Variants in TIAM2 observed in about 807,000 individuals in gnomAD.
TIAM2 encodes the protein rho guanine nucleotide exchange factor TIAM2.
TIAM2 carries 80 observed loss-of-function variants against 152.9 expected under a neutral mutation model. The ratio of observed to expected loss-of-function variants is 0.52; its 90% CI spans 0.44 to 0.63. TIAM2 has a LOEUF of 0.63. Among genes scored for constraint, TIAM2 ranks in the 30% least tolerant of loss-of-function variants. TIAM2 has a pLI of 0.00. For synonymous variants in TIAM2, 804 were observed against 838.0 expected, an observed-to-expected ratio of 0.96 and a Z score of 0.70; for missense variants, 1,965 against 2,120.1, an observed-to-expected ratio of 0.93 and a Z score of 1.44.
At chr6:155,069,508 A>G (rs1777786361) in intron 1 of TIAM2, among the ~76,000 whole-genome samples, 1 of 152,230 alleles carries the variant, frequency 6.6e-6, no homozygotes, top group African/African-American at 2.4e-5. Context: ...TAAAGATTCT[A>G]TAAAGCAGCA....
intron 10 of TIAM2, 106 bp from the exon 11 acceptor site, chr6:155,178,933 C>A: frequency 2.3e-6 from 2 of 885,132 alleles, no homozygotes; most frequent in Non-Finnish European, 3.5e-6. Context: ...AAATTATATG[C>A]AGTATTCTTT....
At chr6:155,047,292 C>G (rs1485052742) in intron 1 of TIAM2, among the ~76,000 whole-genome samples, 2 of 152,278 alleles carry the variant, frequency 1.3e-5, no homozygotes, top group African/African-American at 4.8e-5. Context: ...GCTTCTCCTG[C>G]CTCAACCTCC....
intron 14 of TIAM2, among the ~76,000 whole-genome samples, chr6:155,190,296 C>CAG (rs1460517309): frequency 6.6e-6 from 1 of 152,206 alleles, no homozygotes; most frequent in Non-Finnish European, 1.5e-5. Context: ...GTTGAATGAT[C>CAG]AGAAGCCCCT....
At chr6:155,194,515 G>A (rs1350921184) in intron 14 of TIAM2, among the ~76,000 whole-genome samples, 3 of 152,198 alleles carry the variant, frequency 2.0e-5, no homozygotes, top group Admixed American at 2.0e-4. Flanking sequence ...GCACAGCATG[G>A]CAGGCAGTCC....
chr6:155,222,628 A>C (rs1230149962), intron 15 of TIAM2, among the ~76,000 whole-genome samples: 1,365 of 85,692 alleles, frequency 0.016, 20 homozygotes, highest in African/African-American at 0.061. Flanking sequence ...AAAAAAAAAA[A>C]ACACAAAAAA....
chr6:155,198,125 C>T (rs372322617), intron 14 of TIAM2, among the ~76,000 whole-genome samples: 3 of 152,262 alleles, frequency 2.0e-5, no homozygotes, highest in South Asian at 2.1e-4. Flanking sequence ...GTCACACTGG[C>T]GGAATCTTGG....
At chr6:155,067,115 G>T (rs973916930) in intron 1 of TIAM2, among the ~76,000 whole-genome samples, 4 of 152,140 alleles carry the variant, frequency 2.6e-5, no homozygotes, top group Non-Finnish European at 5.9e-5. Context: ...CTTGAAGAGG[G>T]TCTTTGTGGT....
chr6:155,099,220 ATGTGTGTGTGTGTGTGTGTG>A (rs34269926), intron 2 of TIAM2, among the ~76,000 whole-genome samples: 4 of 148,184 alleles, frequency 2.7e-5, no homozygotes, highest in African/African-American at 5.0e-5. Flanking sequence ...GTATATATAT[ATGTGTGTGTGTGTGTGTGTG>A]TGTGTGTGTG....
chr6:155,057,395 A>T (rs1413710992), intron 1 of TIAM2, among the ~76,000 whole-genome samples: 1 of 152,024 alleles, frequency 6.6e-6, no homozygotes, highest in Non-Finnish European at 1.5e-5. Context: ...CACAGTGGCA[A>T]AGTGCCATTG....
At chr6:155,254,744 A>G in intron 26 of TIAM2, 171 bp downstream of exon 26, 5 of 751,854 alleles carry the variant, frequency 6.7e-6, no homozygotes, top group Non-Finnish European at 1.0e-5. Context: ...TTCTACTGTA[A>G]AATACAGCCA....
Position 155,003,603 on chromosome 6 carries a change from C to A in TIAM2, c.-209+8111C>A, listed in dbSNP as rs192616339. Among the ~76,000 whole-genome samples, 390 of 152,290 alleles carry A rather than the reference C, an allele frequency of 2.6e-3. 1 individual carries two copies. Among genetic ancestry groups the A allele is most frequent in the African/African-American group, 9.2e-3 (381 of 41,556 alleles). On this transcript the variant is annotated intron_variant, in intron 1 of 26. Coordinates refer to ENST00000682666, the MANE Select transcript of TIAM2 (RefSeq NM_012454.4). ...GCCTCAGCTGTGGGCCAAGTCTCCA[C>A]CGGGGCCAAAGGGGACACTCTTGTG...
intron 14 of TIAM2, among the ~76,000 whole-genome samples, chr6:155,187,573 CTTTTT>C (rs59818801): frequency 4.9e-3 from 242 of 49,588 alleles, no homozygotes; most frequent in Admixed American, 9.6e-3. Context: ...ACCCCGCCCC[CTTTTT>C]TTTTTTTTTT....
chr6:155,210,113 G>A (rs890997603), intron 14 of TIAM2, among the ~76,000 whole-genome samples: 1 of 152,158 alleles, frequency 6.6e-6, no homozygotes, highest in African/African-American at 2.4e-5. Flanking sequence ...TTTTGATAGA[G>A]GCTGGTCTTT....
chr6:155,068,972 C>T (rs956211123), intron 1 of TIAM2, among the ~76,000 whole-genome samples: 5 of 152,052 alleles, frequency 3.3e-5, no homozygotes, highest in Non-Finnish European at 7.4e-5. Flanking sequence ...GGCTGGGGTG[C>T]AGTGATGTAA....
chr6:155,129,897 G>A lies in TIAM2; in HGVS notation c.674G>A (p.Ser225Asn), dbSNP rs1488973921. 1.2e-6 allele frequency: 2 copies of A among 1,613,714 alleles called. No homozygotes were observed. The highest frequency in any genetic ancestry group is 1.7e-6 in the Non-Finnish European group (2 of 1,180,034). Residue 225 changes from serine (S) to asparagine (N), a missense_variant, in exon 4 of 27, where the codon AGC (serine) becomes AAC (asparagine). Around this residue, in one of 3 missense-constraint regions of TIAM2, gnomAD observed 1,025 missense variants for 1,119.4 expected, o/e 0.92. Transcript: ENST00000682666. The surrounding 1 kb of genome is among the most constrained non-coding windows in gnomAD (Gnocchi z 4.8). Reference protein sequence around the residue: ...RRGSSADSLPSHRPSPTDSRL... With the variant: ...RRGSSADSLPNHRPSPTDSRL... ...GGGTCCAGCGCCGATTCCCTGCCCA[G>A]CCATCGCCCCTCTCCCACGGACTCT... is the stretch of plus-strand genomic sequence containing the variant.
chr6:155,234,517 CTT>C (rs954533118), intron 15 of TIAM2, among the ~76,000 whole-genome samples: 2 of 152,240 alleles, frequency 1.3e-5, no homozygotes, highest in African/African-American at 2.4e-5. Flanking sequence ...ATCCTCCTGA[CTT>C]AGCCTTCTGA....
In TIAM2 at chr6:155,183,398, A is replaced by G; in HGVS notation, c.2962A>G (p.Ser988Gly). 5 of 1,614,216 alleles carry G rather than the reference A, an allele frequency of 3.1e-6. No homozygotes were observed. The highest frequency in any genetic ancestry group is 1.1e-5 in the South Asian group (1 of 91,088). ...AACCCTGTGTACATCCTGGTCAGACAGTGACCTGTTCTCCAGGGACCAGAA... is the reference window on the plus strand; with the variant it reads ...AACCCTGTGTACATCCTGGTCAGACGGTGACCTGTTCTCCAGGGACCAGAA... ...KATLCTSWSDSDLFSRDQKSL... is the reference protein window; with the variant it reads ...KATLCTSWSDGDLFSRDQKSL... The change falls in exon 14 of 27, where the codon AGT becomes GGT. Residue 988 changes from serine to glycine, a missense_variant. Transcript: ENST00000682666.
At chr6:155,219,775 CATAAAGCACACA>C (rs1781978984) in intron 15 of TIAM2, among the ~76,000 whole-genome samples, 1 of 152,042 alleles carries the variant, frequency 6.6e-6, no homozygotes, top group African/African-American at 2.4e-5. Flanking sequence ...ATTACTGTGG[CATAAAGCACACA>C]GAGACCTGTT....
intron 15 of TIAM2, among the ~76,000 whole-genome samples, chr6:155,224,887 G>A (rs1782187527): frequency 6.6e-6 from 1 of 152,224 alleles, no homozygotes; most frequent in African/African-American, 2.4e-5. Context: ...AATGCTGCAT[G>A]CCTGGAGGAG....
Sources: allele counts gnomAD v4.1 joint callset (sites outside exome capture counted in the v4.1 genomes callset), GRCh38; gene constraint gnomAD v4.1.1; regional missense constraint gnomAD v4.1.1; non-coding constraint Gnocchi (gnomAD v3.1); transcripts MANE v1.5; gene names NCBI Gene and HGNC (gene_info 2026-07-23, HGNC 2026-07-21).